The following RYR2 variants were observed in gnomAD, a reference collection of about 807,000 sequenced individuals.
RYR2 encodes ryanodine receptor 2, also known as cardiac muscle ryanodine receptor-calcium release channel.
A neutral mutation model predicts 601.1 loss-of-function variants in RYR2; 227 were observed. The observed-to-expected ratio is 0.38, with a 90% CI of 0.34 to 0.42. The LOEUF is 0.42. Among genes scored for constraint, RYR2 ranks in the 10% least tolerant of loss-of-function variants. The pLI, the probability that RYR2 is intolerant of heterozygous loss-of-function variation, is 1.00. For missense variants in RYR2, 4,646 were observed against 6,156.5 expected (o/e 0.75, Z 8.21); for synonymous variants, 2,223 against 2,175.1 (o/e 1.02, Z -0.61).
chr1:237,159,456 T>C (rs773984282), intron 1 of RYR2, among the ~76,000 whole-genome samples: 4 of 152,076 alleles, frequency 2.6e-5, no homozygotes, highest in Non-Finnish European at 4.4e-5. Context: ...AGAAAAAGGC[T>C]CCGTATCATT....
chr1:237,645,868 CTT>C (rs1001580851), intron 48 of RYR2, among the ~76,000 whole-genome samples: 2 of 136,500 alleles, frequency 1.5e-5, no homozygotes, highest in Non-Finnish European at 1.6e-5. Context: ...TAGATCTCTG[CTT>C]TTTTTTTTTT....
chr1:237,541,974 G>T (rs908318575), intron 25 of RYR2, among the ~76,000 whole-genome samples: 1 of 152,172 alleles, frequency 6.6e-6, no homozygotes, highest in Non-Finnish European at 1.5e-5. Context: ...TGGGCATATA[G>T]GTGCATGTCA....
intron 26 of RYR2, among the ~76,000 whole-genome samples, chr1:237,548,863 T>C (rs1015221737): frequency 3.9e-5 from 6 of 152,318 alleles, no homozygotes; most frequent in Non-Finnish European, 7.3e-5. Context: ...TCTCTGAGAC[T>C]GTATTTTAGG....
intron 101 of RYR2, among the ~76,000 whole-genome samples, chr1:237,822,901 G>C (rs2790352): frequency 6.6e-6 from 1 of 151,914 alleles, no homozygotes; most frequent in South Asian, 2.1e-4. Context: ...GTCTCTGATA[G>C]AACAGACTTT....
At chr1:237,503,672 A>G (rs547010450) in intron 22 of RYR2, among the ~76,000 whole-genome samples, 167 bp downstream of exon 22, 24 of 152,194 alleles carry the variant, frequency 1.6e-4, no homozygotes, top group African/African-American at 5.8e-4. Context: ...TACCTTTACC[A>G]TGTCCACTCA....
intron 94 of RYR2, among the ~76,000 whole-genome samples, chr1:237,793,048 C>G (rs1198651894): frequency 6.6e-6 from 1 of 152,198 alleles, no homozygotes; most frequent in African/African-American, 2.4e-5. Context: ...TGCCCATTAC[C>G]TGTCCAAACC....
intron 1 of RYR2, among the ~76,000 whole-genome samples, chr1:237,108,714 A>G (rs967154589): frequency 2.0e-5 from 3 of 152,194 alleles, no homozygotes; most frequent in African/African-American, 4.8e-5. Flanking sequence ...AGGAATGGGA[A>G]AAAGCATCTC....
At chr1:237,735,789 A>T (rs189469732) in intron 79 of RYR2, among the ~76,000 whole-genome samples, 2 of 152,194 alleles carry the variant, frequency 1.3e-5, no homozygotes, top group East Asian at 3.8e-4. Flanking sequence ...TGCCAAGTAA[A>T]TAGTTGTTCA....
At chr1:237,175,251 T>C (rs1296917563) in intron 1 of RYR2, among the ~76,000 whole-genome samples, 1 of 152,228 alleles carries the variant, frequency 6.6e-6, no homozygotes, top group African/African-American at 2.4e-5. Flanking sequence ...ACCTTAATTA[T>C]ATGCTGTAGT....
At chr1:237,468,043 A>G (rs892931474) in intron 16 of RYR2, among the ~76,000 whole-genome samples, 1 of 151,910 alleles carries the variant, frequency 6.6e-6, no homozygotes, top group Non-Finnish European at 1.5e-5. Flanking sequence ...CATTTTTATT[A>G]GAGATGGGGT....
rs1402671398 is a variant in RYR2 at position 237,819,296 on chromosome 1, A to G, written c.14590+104A>G. 2 of 1,107,210 alleles carry G rather than the reference A, an allele frequency of 1.8e-6. No homozygotes were observed. Among genetic ancestry groups the G allele is most frequent in the Admixed American group, 2.0e-5 (1 of 50,280 alleles). 68.6% of individuals were successfully genotyped at this position (1,107,210 alleles called of 1,614,324 possible). ...GTAATGACGTCAAGTGTTTCCTGGC[A>G]AAGCCAAATCAAACTTTTCCTTCCA... On this transcript the variant is annotated intron_variant, in intron 101 of 104. Coordinates refer to ENST00000366574, the MANE Select transcript of RYR2 (RefSeq NM_001035.3). This position sits in a 1 kb window ranked among gnomAD's most constrained non-coding sequence, Gnocchi z 4.0.
At position 237,680,487 on chromosome 1, in the gene RYR2, A is replaced by G. The variant is rs1558206523; in HGVS notation, c.8927A>G (p.Lys2976Arg). Residue 2976 changes from lysine (K) to arginine (R), a missense_variant, in exon 62 of 105, where the codon AAA becomes AGA. Transcript: ENST00000366574. ...CTTCCTTTAATTGATCAGTATTTCAAAAACCATCGTTTATACTTCTTATCT... is the reference window on the plus strand; with the variant it reads ...CTTCCTTTAATTGATCAGTATTTCAGAAACCATCGTTTATACTTCTTATCT... ...VVLPLIDQYF[K>R]NHRLYFLSAA... 3 of 1,607,852 alleles carry G rather than the reference A, an allele frequency of 1.9e-6. No individual in the cohort carries two copies. Among genetic ancestry groups the G allele is most frequent in the Non-Finnish European group, 2.6e-6 (3 of 1,174,850 alleles).
chr1:237,546,484 T>G (rs1399178712), intron 25 of RYR2, among the ~76,000 whole-genome samples: 1 of 152,124 alleles, frequency 6.6e-6, no homozygotes, highest in African/African-American at 2.4e-5. Context: ...TTCAAGCGAT[T>G]CTCATGCCTC....
At chr1:237,318,204 T>C (rs1320948112) in intron 2 of RYR2, among the ~76,000 whole-genome samples, 2 of 152,152 alleles carry the variant, frequency 1.3e-5, no homozygotes, top group African/African-American at 2.4e-5. Flanking sequence ...ATAATACTCA[T>C]TTAATTCCAG....
At chr1:237,216,262 A>G (rs986853988) in intron 1 of RYR2, among the ~76,000 whole-genome samples, 13 of 152,108 alleles carry the variant, frequency 8.5e-5, no homozygotes, top group Admixed American at 6.6e-5. Flanking sequence ...AGTCTTTTCA[A>G]CCTATGTCTG....
At position 237,208,976 on chromosome 1, in the gene RYR2, A is replaced by ATG. The variant is rs1558428313; in HGVS notation, c.49-61520_49-61519insGT. ...TATATATATATATATATATATATAT[A>ATG]TATATATATGTATACTGTAATTGAA... On this transcript the variant is annotated intron_variant, in intron 1 of 104. Coordinates refer to ENST00000366574, the MANE Select transcript of RYR2 (RefSeq NM_001035.3). Among the ~76,000 whole-genome samples the ATG allele has an allele frequency of 6.6e-4, 63 of 95,426 alleles. 2 individuals carry two copies. The South Asian group carries it at 7.8e-3, about 12-fold the overall frequency. The allele number at this position is 95,426 out of a possible 152,430, so 62.6% of individuals were successfully genotyped here.
intron 29 of RYR2, among the ~76,000 whole-genome samples, chr1:237,582,496 G>A (rs1332022339): frequency 1.3e-5 from 2 of 151,734 alleles, no homozygotes; most frequent in East Asian, 1.9e-4. Flanking sequence ...GGTATATAGT[G>A]TTATGCTGAG....
At chr1:237,169,426 G>A (rs545728551) in intron 1 of RYR2, among the ~76,000 whole-genome samples, 151 of 152,056 alleles carry the variant, frequency 9.9e-4, no homozygotes, top group Non-Finnish European at 1.8e-3. Flanking sequence ...AGCCTCCCGA[G>A]TAGCTGGGAT....
chr1:237,337,122 C>T (rs528142050), intron 3 of RYR2, among the ~76,000 whole-genome samples: 5 of 151,876 alleles, frequency 3.3e-5, no homozygotes, highest in East Asian at 2.0e-4. Flanking sequence ...CGTGGTGACA[C>T]GTGCCTGTAA....
Sources: allele counts gnomAD v4.1 joint callset (sites outside exome capture counted in the v4.1 genomes callset), GRCh38; gene constraint gnomAD v4.1.1; non-coding constraint Gnocchi (gnomAD v3.1); transcripts MANE v1.5; gene names NCBI Gene and HGNC (gene_info 2026-07-23, HGNC 2026-07-21).